DMXL2: variants seen among roughly 807,000 people sequenced by gnomAD.
DMXL2 encodes dmX-like protein 2.
Under a neutral mutation model 331.1 loss-of-function variants are expected in DMXL2, and 103 were observed. The ratio of observed to expected loss-of-function variants is 0.31; its 90% CI spans 0.27 to 0.37. DMXL2 has a LOEUF of 0.37. Among genes scored for constraint, DMXL2 ranks in the 10% least tolerant of loss-of-function variants. The pLI, the probability that DMXL2 is intolerant of heterozygous loss-of-function variation, is 1.00. For synonymous variants in DMXL2, 1,281 were observed against 1,252.1 expected (o/e 1.02, Z -0.49); for missense variants, 3,171 against 3,642.9 (o/e 0.87, Z 3.33).
At chr15:51,481,675 A>G (rs2042019221) in intron 23 of DMXL2, 52 bp from the exon 24 acceptor site, 1 of 1,447,164 alleles carries the variant, frequency 6.9e-7, no homozygotes, top group African/African-American at 1.4e-5. Context: ...ATATGTATTT[A>G]CATTACAAAA....
chr15:51,555,562 A>C (rs1018929511), intron 6 of DMXL2, among the ~76,000 whole-genome samples: 16 of 152,332 alleles, frequency 1.1e-4, no homozygotes, highest in African/African-American at 3.8e-4. Context: ...AAAAACAGGC[A>C]GAGTACAGAA....
chr15:51,458,576 C>G lies in DMXL2; in HGVS notation c.8128G>C (p.Asp2710His). Residue 2710 changes from aspartate to histidine, a missense_variant, in exon 36 of 44, where the codon GAT becomes CAT. By Grantham distance (81) the Asp-to-His change is moderately conservative. Coordinates refer to ENST00000560891, the MANE Select transcript of DMXL2 (RefSeq NM_001378457.1). ...TGACAGGCCAGTAGAGAAGTAACAT[C>G]AAGTTCTTGAACATCATGTGTTGAA... ...LASTHDVQEL[D>H]VTSLLACQSY... is the part of the protein sequence containing the mutation. 6.8e-6 allele frequency: 11 copies of G among 1,613,898 alleles called. No homozygotes were observed. The highest frequency in any genetic ancestry group is 9.3e-6 in the Non-Finnish European group (11 of 1,179,848).
chr15:51,568,494 CT>C lies in DMXL2; in HGVS notation c.277del (p.Arg93GlufsTer17). ...FEPLGINSHK[R>X]NCQLKCQWLK... Reference sequence around the variant, plus strand: ...TTATTGGTTAATACTTACACAATTTCTTTTATGAGAATTTATGCCCAAGGGC... The same window carrying C: ...TTATTGGTTAATACTTACACAATTTCTTTATGAGAATTTATGCCCAAGGGC... On this transcript the variant is annotated frameshift_variant, in exon 3 of 44. Coordinates refer to ENST00000560891, the MANE Select transcript of DMXL2 (RefSeq NM_001378457.1). LOFTEE classifies it high-confidence loss of function. The C allele has an allele frequency of 6.4e-7, 1 of 1,558,314 alleles. No homozygotes were observed. The highest frequency in any genetic ancestry group is 8.7e-7 in the Non-Finnish European group (1 of 1,154,866).
intron 20 of DMXL2, among the ~76,000 whole-genome samples, chr15:51,489,871 A>AT (rs1209859831): frequency 6.6e-6 from 1 of 152,152 alleles, no homozygotes; most frequent in Non-Finnish European, 1.5e-5. Flanking sequence ...CTTTGATTTA[A>AT]TTTTAAGAAA....
rs776911551 is a variant in DMXL2, at chr15:51,478,247, C to T, written c.6833+24G>A. 2.6e-6 allele frequency: 4 copies of T among 1,528,040 alleles called. No individual in the cohort carries two copies. In the East Asian group the frequency reaches 9.2e-5, roughly 35 times the overall value. The allele number at this position is 1,528,040 out of a possible 1,614,324, so 94.7% of individuals were successfully genotyped here. Reference sequence around the variant, plus strand: ...GTTTAATGTTTTTGCTGTATTAATACTATTTTGGGTGATTTTTTTTTACCT... The same window carrying T: ...GTTTAATGTTTTTGCTGTATTAATATTATTTTGGGTGATTTTTTTTTACCT... On this transcript the variant is annotated intron_variant, in intron 26 of 43. Transcript: ENST00000560891.
At chr15:51,468,141 C>G (rs932318866) in intron 29 of DMXL2, among the ~76,000 whole-genome samples, 4 of 152,178 alleles carry the variant, frequency 2.6e-5, no homozygotes, top group Non-Finnish European at 5.9e-5. Context: ...TACATGGTCA[C>G]TATAATTGAT....
At chr15:51,582,983 T>C (rs1345124053) in intron 1 of DMXL2, among the ~76,000 whole-genome samples, 1 of 152,028 alleles carries the variant, frequency 6.6e-6, no homozygotes, top group African/African-American at 2.4e-5. Flanking sequence ...ATATCTTTTA[T>C]ATATCTTCTT....
chr15:51,613,824 C>A (rs1214982818), intron 1 of DMXL2, among the ~76,000 whole-genome samples: 1 of 152,130 alleles, frequency 6.6e-6, no homozygotes, highest in Non-Finnish European at 1.5e-5. Context: ...CTTAAAATTT[C>A]TTTAACAGAA....
rs191140125 is a variant in DMXL2 at position 51,485,982 on chromosome 15, G to A, written c.5482+91C>T. ...TTCTCAAAGTTGAAAAGCAAATCTGGTAATGATTTTTCTTAATCTAAGTGA... is the reference window on the plus strand; with the variant it reads ...TTCTCAAAGTTGAAAAGCAAATCTGATAATGATTTTTCTTAATCTAAGTGA... On this transcript the variant is annotated intron_variant, in intron 23 of 43. Transcript: ENST00000560891. 1.8e-5 allele frequency: 24 copies of A among 1,332,872 alleles called. 1 individual carries two copies. In the Middle Eastern group the frequency reaches 9.7e-4, roughly 54 times the overall value. 82.6% of individuals were successfully genotyped at this position (1,332,872 alleles called of 1,614,324 possible).
In DMXL2 at chr15:51,536,668, G is replaced by A; in HGVS notation, c.1812C>T (p.Asn604=). The A allele has an allele frequency of 1.9e-6, 3 of 1,614,122 alleles. No individual in the cohort carries two copies. The highest frequency in any genetic ancestry group is 2.5e-6 in the Non-Finnish European group (3 of 1,180,012). The change falls in exon 12 of 44, where the codon AAC becomes AAT. Residue 604 remains asparagine, a synonymous_variant. Transcript: ENST00000560891. ...TCATCATTACTGTGGGAGCTAAGAT[G>A]TTCATATGTGTACTGTGGGATCTAG... is the stretch of plus-strand genomic sequence containing the variant. ...PHSRSHSTHM[N]ILAPTVMMIS... is the part of the protein sequence containing the mutation.
chr15:51,536,476 G>A lies in DMXL2; in HGVS notation c.2004C>T (p.Ser668=). 5 of 1,613,930 alleles carry A rather than the reference G, an allele frequency of 3.1e-6. No homozygotes were observed. The highest frequency in any genetic ancestry group is 4.2e-6 in the Non-Finnish European group (5 of 1,179,956). The change falls in exon 12 of 44, where the codon TCC becomes TCT. Residue 668 remains serine (S), a synonymous_variant. Transcript: ENST00000560891. ...CHSVLPLLLT[S]SHHNALLTPE... ...GAGTCAATAGAGCATTATGATGAGA[G>A]GATGTCAATAACAGTGGTAAAACTG...
rs913024532 is a variant in DMXL2, at chr15:51,448,801, C to A, written c.*183G>T. 6 of 624,994 alleles carry A rather than the reference C, an allele frequency of 9.6e-6. No homozygotes were observed. The highest frequency in any genetic ancestry group is 8.8e-5 in the Admixed American group (3 of 34,000). 38.7% of individuals were successfully genotyped at this position (624,994 alleles called of 1,614,324 possible). A position where few individuals can be genotyped will look rare whatever the true frequency, so the allele number is the denominator to read the frequency against. On this transcript the variant is annotated 3_prime_UTR_variant, in exon 44 of 44. Transcript: ENST00000560891. ...GGTTTTATTTTTTTTAGTATGTCAG[C>A]ATAATAAGGTACATGCGCATTCATT...
At chr15:51,524,650 T>C (rs1432577193) in intron 13 of DMXL2, among the ~76,000 whole-genome samples, 1 of 152,134 alleles carries the variant, frequency 6.6e-6, no homozygotes, top group African/African-American at 2.4e-5. Context: ...CCTTGTTATA[T>C]AGCAGAAAGA....
chr15:51,537,431 T>C (rs2048347355), intron 11 of DMXL2, 57 bp downstream of exon 11: 3 of 1,489,352 alleles, frequency 2.0e-6, no homozygotes, highest in Non-Finnish European at 2.7e-6. Context: ...CTACAAAGCA[T>C]TTATTTCTTT....
chr15:51,545,622 A>G lies in DMXL2; in HGVS notation c.891T>C (p.His297=), dbSNP rs2050531836. 2 of 1,613,596 alleles carry G rather than the reference A, an allele frequency of 1.2e-6. No homozygotes were observed. Among genetic ancestry groups the G allele is most frequent in the Non-Finnish European group, 1.7e-6 (2 of 1,179,746 alleles). ...TTSSIASSLS[H]AGRHKDRIQH... is the part of the protein sequence containing the mutation. ...GTATTCTGTCTTTGTGTCTTCCAGCATGAGAAAGGCTGCTGGCAATGCTGG... is the reference window on the plus strand; with the variant it reads ...GTATTCTGTCTTTGTGTCTTCCAGCGTGAGAAAGGCTGCTGGCAATGCTGG... Residue 297 remains histidine (H), a synonymous_variant, in exon 8 of 44, where the codon CAT becomes CAC. Transcript: ENST00000560891.
At chr15:51,565,022 ACAT>A (rs1283783698) in intron 4 of DMXL2, 63 bp downstream of exon 4, 6 of 918,282 alleles carry the variant, frequency 6.5e-6, no homozygotes, top group Non-Finnish European at 7.7e-6. Context: ...AGACTATATC[ACAT>A]TATTATCATA....
At chr15:51,587,105 G>T (rs773820707) in intron 1 of DMXL2, among the ~76,000 whole-genome samples, 1 of 151,986 alleles carries the variant, frequency 6.6e-6, no homozygotes, top group Admixed American at 6.5e-5. Flanking sequence ...GTAACAATTT[G>T]CTTCATAACA....
chr15:51,503,859 T>G (rs1030132681), intron 16 of DMXL2, among the ~76,000 whole-genome samples: 2 of 152,182 alleles, frequency 1.3e-5, no homozygotes, highest in South Asian at 2.1e-4. Context: ...TCAATAAATT[T>G]TTTTAAAAAA....
chr15:51,566,266 TGTGTGTG>T (rs2050282291), intron 3 of DMXL2, among the ~76,000 whole-genome samples: 1 of 109,062 alleles, frequency 9.2e-6, no homozygotes, highest in Admixed American at 9.5e-5. Context: ...TGTGTGTGTG[TGTGTGTG>T]TGTGTGCATC....
Sources: allele counts gnomAD v4.1 joint callset (sites outside exome capture counted in the v4.1 genomes callset), GRCh38; gene constraint gnomAD v4.1.1; transcripts MANE v1.5; gene names NCBI Gene and HGNC (gene_info 2026-07-23, HGNC 2026-07-21).